MAP3K2: variants seen among roughly 807,000 people sequenced by gnomAD.
MAP3K2 encodes mitogen-activated protein kinase kinase kinase 2.
In MAP3K2, 24 loss-of-function variants were observed where a neutral mutation model predicts 80.3. The ratio of observed to expected loss-of-function variants is 0.30; its 90% CI spans 0.22 to 0.42. The LOEUF (loss-of-function observed/expected upper bound fraction) is 0.42, where lower values mean the gene tolerates loss of function less well. MAP3K2 is among the 10% of genes least tolerant of loss of function. The pLI is 1.00. For synonymous variants in MAP3K2, 244 were observed against 253.7 expected (o/e 0.96, Z 0.36); for missense variants, 608 against 750.1 (o/e 0.81, Z 2.21).
intron 15 of MAP3K2, among the ~76,000 whole-genome samples, chr2:127,311,453 G>C (rs1484722491): frequency 6.6e-6 from 1 of 152,176 alleles, no homozygotes; most frequent in South Asian, 2.1e-4. Flanking sequence ...TCCACAAGAA[G>C]GGCGGAGGAG....
intron 1 of MAP3K2, among the ~76,000 whole-genome samples, chr2:127,359,822 T>C (rs185864127): frequency 6.6e-6 from 1 of 152,224 alleles, no homozygotes; most frequent in Admixed American, 6.5e-5. Flanking sequence ...CCTTCTGCCA[T>C]GATTTTAAGT....
chr2:127,329,322 CT>C (rs1343510940), intron 7 of MAP3K2, among the ~76,000 whole-genome samples: 2 of 151,562 alleles, frequency 1.3e-5, no homozygotes, highest in African/African-American at 4.8e-5. Context: ...ATTATAATTA[CT>C]TCTTTTAATT....
At position 127,301,088 on chromosome 2, in the gene MAP3K2, A is replaced by T. The variant is rs1685583531; in HGVS notation, c.*6491T>A. ...GCATTAAGGGATTCTCAACTGCATT[A>T]AGGGATTCAGAAATTATTTGGGGAC... On this transcript the variant is annotated 3_prime_UTR_variant, in exon 17 of 17. Coordinates refer to ENST00000682094, the MANE Select transcript of MAP3K2 (RefSeq NM_001371910.2). 6.6e-6 allele frequency: 1 copy of T among 152,234 alleles called. No homozygotes were observed. The highest frequency in any genetic ancestry group is 2.1e-4 in the South Asian group (1 of 4,834). 9.4% of individuals were successfully genotyped at this position (152,234 alleles called of 1,614,324 possible). A position where few individuals can be genotyped will look rare whatever the true frequency, so the allele number is the denominator to read the frequency against.
chr2:127,319,764 G>A (rs771364693), intron 12 of MAP3K2, among the ~76,000 whole-genome samples: 44 of 151,132 alleles, frequency 2.9e-4, no homozygotes, highest in Middle Eastern at 6.9e-3. Flanking sequence ...GCTTGAACCC[G>A]GGAAGGGGAG....
At chr2:127,348,471 TGCTAAGTGGAATAA>T in intron 1 of MAP3K2, among the ~76,000 whole-genome samples, 1 of 152,176 alleles carries the variant, frequency 6.6e-6, no homozygotes, top group Non-Finnish European at 1.5e-5. Context: ...GACAAATTTA[TGCTAAGTGGAATAA>T]GCCAGATTTT....
At chr2:127,384,555 T>C (rs1687311343) in intron 1 of MAP3K2, among the ~76,000 whole-genome samples, 1 of 152,104 alleles carries the variant, frequency 6.6e-6, no homozygotes, top group Non-Finnish European at 1.5e-5. Flanking sequence ...AAGACTTCAG[T>C]GGAGGAAGTA....
At chr2:127,324,942 G>T (rs1686102284) in intron 9 of MAP3K2, among the ~76,000 whole-genome samples, 1 of 152,032 alleles carries the variant, frequency 6.6e-6, no homozygotes, top group South Asian at 2.1e-4. Flanking sequence ...TTAAATTTTT[G>T]CCTACATGTA....
intron 5 of MAP3K2, among the ~76,000 whole-genome samples, chr2:127,333,677 C>T (rs1006523637): frequency 6.6e-6 from 1 of 152,208 alleles, no homozygotes; most frequent in Admixed American, 6.5e-5. Context: ...ACCCCTACCA[C>T]ATTCCTGCCA....
chr2:127,338,887 T>C, intron 3 of MAP3K2, 45 bp downstream of exon 3: 1 of 1,276,376 alleles, frequency 7.8e-7, no homozygotes, highest in Non-Finnish European at 1.1e-6. Flanking sequence ...GATTAGGATA[T>C]TAAAGGAAAG....
At chr2:127,309,921 G>A (rs1240632609) in intron 15 of MAP3K2, among the ~76,000 whole-genome samples, 5 of 152,046 alleles carry the variant, frequency 3.3e-5, no homozygotes, top group African/African-American at 4.8e-5. Context: ...CACCCTTTCC[G>A]TACTTTGGAA....
chr2:127,324,087 C>A, intron 10 of MAP3K2, 87 bp downstream of exon 10: 1 of 1,121,986 alleles, frequency 8.9e-7, no homozygotes, highest in Non-Finnish European at 1.3e-6. Context: ...CTTTATTTGA[C>A]TTTTCAAAAA....
chr2:127,330,415 G>T lies in MAP3K2; in HGVS notation c.355C>A (p.Leu119Ile). ...ACCTGTGTACTTCCATTTATTACAA[G>T]TAATATCTTGAGGCTCTTCATATGA... is the stretch of plus-strand genomic sequence containing the variant. ...SIHMKSLKILLVINGSTQATN... is the reference protein window; with the variant it reads ...SIHMKSLKILIVINGSTQATN... The change falls in exon 6 of 17, where the codon CTT becomes ATT. Residue 119 changes from leucine to isoleucine, a missense_variant. Leu to Ile is a conservative substitution (Grantham distance 5, BLOSUM62 2). Coordinates refer to ENST00000682094, the MANE Select transcript of MAP3K2 (RefSeq NM_001371910.2). 6.3e-7 allele frequency: 1 copy of T among 1,597,202 alleles called. No individual in the cohort carries two copies. The highest frequency in any genetic ancestry group is 8.6e-7 in the Non-Finnish European group (1 of 1,168,580).
intron 1 of MAP3K2, among the ~76,000 whole-genome samples, chr2:127,371,116 T>C (rs1687056425): frequency 1.3e-5 from 2 of 152,202 alleles, no homozygotes; most frequent in South Asian, 4.1e-4. Flanking sequence ...CGCTAGCCCA[T>C]TTCCTTACGA....
rs891623589 is a variant in MAP3K2 at position 127,318,284 on chromosome 2, T to C, written c.1079A>G (p.Lys360Arg). The change falls in exon 13 of 17, where the codon AAA (lysine) becomes AGA (arginine). Residue 360 changes from lysine to arginine, a missense_variant. By Grantham distance (26) the Lys-to-Arg change is conservative. Around this residue, in one of 4 missense-constraint regions of MAP3K2, gnomAD observed 467 missense variants for 521.9 expected, o/e 0.89. Coordinates refer to ENST00000682094, the MANE Select transcript of MAP3K2 (RefSeq NM_001371910.2). ...TCCAAAGGCTCCTTGGCCAAGCAGT[T>C]TGCCCAATCTCCAGTTGGTCGGAGC... Reference protein sequence around the residue: ...PRAPTNWRLGKLLGQGAFGRV... With the variant: ...PRAPTNWRLGRLLGQGAFGRV... 25 of 1,604,734 alleles carry C rather than the reference T, an allele frequency of 1.6e-5. No homozygotes were observed. Among genetic ancestry groups the C allele is most frequent in the Non-Finnish European group, 2.1e-5 (25 of 1,176,648 alleles).
intron 1 of MAP3K2, among the ~76,000 whole-genome samples, chr2:127,352,628 GC>G (rs1320330735): frequency 6.6e-6 from 1 of 151,950 alleles, no homozygotes; most frequent in East Asian, 1.9e-4. Flanking sequence ...TTAATCCTTG[GC>G]CACATGCTTA....
chr2:127,310,365 T>C lies in MAP3K2; in HGVS notation c.1457-1603A>G, dbSNP rs1344718456. Among the ~76,000 whole-genome samples, 4 of 152,182 alleles carry C rather than the reference T, an allele frequency of 2.6e-5. No homozygotes were observed. The highest frequency in any genetic ancestry group is 6.5e-5 in the Admixed American group (1 of 15,270). Reference sequence around the variant, plus strand: ...AGAATGGTATTAAAAAAACAAGATATTGGCCAGGTGCAGTGGCACACACCT... The same window carrying C: ...AGAATGGTATTAAAAAAACAAGATACTGGCCAGGTGCAGTGGCACACACCT... On this transcript the variant is annotated intron_variant, in intron 15 of 16. Transcript: ENST00000682094. This position sits in a 1 kb window ranked among gnomAD's most constrained non-coding sequence, Gnocchi z 4.8.
intron 7 of MAP3K2, among the ~76,000 whole-genome samples, chr2:127,328,625 T>C (rs974095263): frequency 1.3e-5 from 2 of 152,216 alleles, no homozygotes; most frequent in Non-Finnish European, 2.9e-5. Context: ...CATTTGTATT[T>C]TGCTTGTGTA....
intron 1 of MAP3K2, among the ~76,000 whole-genome samples, chr2:127,357,623 T>A (rs1016461137): frequency 6.6e-6 from 1 of 152,202 alleles, no homozygotes; most frequent in Non-Finnish European, 1.5e-5. Context: ...ATCAAGACAG[T>A]GTGTTATTGG....
intron 15 of MAP3K2, among the ~76,000 whole-genome samples, chr2:127,314,366 A>C (rs1573978476): frequency 1.3e-5 from 2 of 152,316 alleles, no homozygotes; most frequent in South Asian, 4.1e-4. Flanking sequence ...ATCATTTAAG[A>C]ATGAGGAACT....
Sources: gnomAD v4.1 joint callset for allele counts (sites outside exome capture counted in the v4.1 genomes callset) on GRCh38, gnomAD v4.1.1 for gene constraint, gnomAD v4.1.1 regional missense constraint, Gnocchi (gnomAD v3.1) non-coding constraint, MANE v1.5 for transcripts, NCBI Gene and HGNC (gene_info 2026-07-23, HGNC 2026-07-21) for gene names.